TDP1: variants seen among roughly 807,000 people sequenced by gnomAD.
The protein encoded by TDP1 is tyrosyl-DNA phosphodiesterase 1.
A neutral mutation model predicts 81.5 loss-of-function variants in TDP1; 64 were observed. That is an observed-to-expected ratio of 0.79 (90% CI 0.64 to 0.97). The LOEUF (loss-of-function observed/expected upper bound fraction) is 0.97, where lower values mean the gene tolerates loss of function less well. Among genes scored for constraint, TDP1 ranks in the 50% least tolerant of loss-of-function variants. The pLI, the probability that TDP1 is intolerant of heterozygous loss-of-function variation, is 0.00. For missense variants in TDP1, 723 were observed against 743.8 expected (o/e 0.97, Z 0.33); for synonymous variants, 256 against 264.3 (o/e 0.97, Z 0.30).
Position 89,967,396 on chromosome 14 carries a change from C to T in TDP1, c.633C>T (p.Leu211=), listed in dbSNP as rs991871187. The change falls in exon 5 of 17, where the codon CTC becomes CTT. Residue 211 remains leucine, a synonymous_variant. Coordinates refer to ENST00000335725, the MANE Select transcript of TDP1 (RefSeq NM_018319.4). ...ACTACTGCTTTGACGTGGACTGGCT[C>T]GTAAAACAGTATCCACCAGAGTTCA... ...QFNYCFDVDW[L]VKQYPPEFRK... The T allele has an allele frequency of 1.2e-6, 2 of 1,614,004 alleles. No homozygotes were observed. Among genetic ancestry groups the T allele is most frequent in the Non-Finnish European group, 1.7e-6 (2 of 1,179,942 alleles).
chr14:89,993,454 C>T lies in TDP1; in HGVS notation c.1512C>T (p.Phe504=), dbSNP rs1896395298. Residue 504 remains phenylalanine (F), a synonymous_variant, in exon 14 of 17, where the codon TTC becomes TTT. Transcript: ENST00000335725. ...IKTYMRPSPD[F]SKIAWFLVTS... ...CATATATGAGGCCTTCTCCAGACTTCAGTAAAATTGCTTGGTTCCTTGTCA... is the reference window on the plus strand; with the variant it reads ...CATATATGAGGCCTTCTCCAGACTTTAGTAAAATTGCTTGGTTCCTTGTCA... The T allele has an allele frequency of 1.2e-6, 2 of 1,613,710 alleles. No homozygotes were observed. Among genetic ancestry groups the T allele is most frequent in the African/African-American group, 2.7e-5 (2 of 74,920 alleles).
intron 15 of TDP1, chr14:90,023,135 C>CT: frequency 1.4e-6 from 1 of 737,232 alleles, no homozygotes; most frequent in Non-Finnish European, 2.5e-6. Context: ...ATGACAACAA[C>CT]TAGGGTGTGG....
At chr14:89,971,687 C>T (rs148355033) in intron 6 of TDP1, among the ~76,000 whole-genome samples, 45 of 152,214 alleles carry the variant, frequency 3.0e-4, no homozygotes, top group African/African-American at 9.2e-4. Context: ...TGAGTCTTTC[C>T]GCAACCTGCT....
At chr14:89,995,307 CAG>C (rs2140144679) in intron 14 of TDP1, among the ~76,000 whole-genome samples, 1 of 152,290 alleles carries the variant, frequency 6.6e-6, no homozygotes, top group South Asian at 2.1e-4. Flanking sequence ...CCAGGAGGCA[CAG>C]AGTGATTAAT....
chr14:90,001,050 C>T (rs1158176641), intron 14 of TDP1, among the ~76,000 whole-genome samples: 1 of 152,148 alleles, frequency 6.6e-6, no homozygotes, highest in Non-Finnish European at 1.5e-5. Flanking sequence ...AAATGTATTT[C>T]GTATGGTTCC....
At chr14:90,004,772 G>A (rs1426650774) in intron 14 of TDP1, among the ~76,000 whole-genome samples, 2 of 152,140 alleles carry the variant, frequency 1.3e-5, no homozygotes, top group African/African-American at 2.4e-5. Flanking sequence ...TCAGCAGGAT[G>A]GTGACAGGCT....
chr14:90,025,037 A>G (rs1160384073), intron 15 of TDP1, among the ~76,000 whole-genome samples: 1 of 152,224 alleles, frequency 6.6e-6, no homozygotes, highest in African/African-American at 2.4e-5. Context: ...CTGAGGTATC[A>G]GCAGCCAGAG....
At chr14:90,019,483 T>A (rs1173162213) in intron 15 of TDP1, 65 bp downstream of exon 15, 13 of 903,432 alleles carry the variant, frequency 1.4e-5, no homozygotes, top group Non-Finnish European at 2.4e-5. Flanking sequence ...TGTGTTCTCT[T>A]CCTTTAGTCA....
intron 2 of TDP1, among the ~76,000 whole-genome samples, chr14:89,961,486 G>A (rs1158985912): frequency 6.6e-6 from 1 of 152,212 alleles, no homozygotes; most frequent in South Asian, 2.1e-4. Flanking sequence ...AAAGGTAGCA[G>A]TGTGTGATTT....
chr14:89,962,639 G>T (rs1230960865), intron 2 of TDP1, among the ~76,000 whole-genome samples: 1 of 152,022 alleles, frequency 6.6e-6, no homozygotes, highest in Non-Finnish European at 1.5e-5. Flanking sequence ...CAAGGTGGGT[G>T]GATCTCTTGA....
chr14:89,963,367 C>G lies in TDP1; in HGVS notation c.253C>G (p.Leu85Val). The change falls in exon 3 of 17, where the codon CTC becomes GTC. Residue 85 changes from leucine to valine, a missense_variant. Leu to Val is a conservative substitution (Grantham distance 32). Transcript: ENST00000335725. Reference protein sequence around the residue: ...KRQKSGSQEDLGWCLSSSDDE... With the variant: ...KRQKSGSQEDVGWCLSSSDDE... ...GCAGAAAAGCGGTTCCCAGGAGGAC[C>G]TCGGCTGGTGTCTGTCCAGCAGTGA... The G allele has an allele frequency of 6.2e-7, 1 of 1,614,196 alleles. No individual in the cohort carries two copies. Among genetic ancestry groups the G allele is most frequent in the Middle Eastern group, 1.6e-4 (1 of 6,062 alleles).
chr14:89,988,996 A>G lies in TDP1; in HGVS notation c.1223A>G (p.Glu408Gly). The G allele has an allele frequency of 6.2e-7, 1 of 1,614,176 alleles. No homozygotes were observed. Among genetic ancestry groups the G allele is most frequent in the East Asian group, 2.2e-5 (1 of 44,884 alleles). Residue 408 changes from glutamate (E) to glycine (G), a missense_variant, in exon 11 of 17, where the codon GAA (glutamate) becomes GGA (glycine). By Grantham distance (98) the Glu-to-Gly change is moderately conservative. Transcript: ENST00000335725. ...FSSVGSLGAD[E>G]SKWLCSEFKE... is the part of the protein sequence containing the mutation. Reference sequence around the variant, plus strand: ...AGCGTTGGCTCCTTGGGAGCCGATGAATCAAAGTGGTTATGTTCTGAGTTT... The same window carrying G: ...AGCGTTGGCTCCTTGGGAGCCGATGGATCAAAGTGGTTATGTTCTGAGTTT...
Position 89,967,379 on chromosome 14 carries a change from T to A in TDP1, c.616T>A (p.Phe206Ile). 1 of 1,614,118 alleles carries A rather than the reference T, an allele frequency of 6.2e-7. No homozygotes were observed. The highest frequency in any genetic ancestry group is 8.5e-7 in the Non-Finnish European group (1 of 1,179,950). ...TTCTCCCATCTAGTTTAACTACTGC[T>A]TTGACGTGGACTGGCTCGTAAAACA... ...LVSSAQFNYCFDVDWLVKQYP... is the reference protein window; with the variant it reads ...LVSSAQFNYCIDVDWLVKQYP... Residue 206 changes from phenylalanine to isoleucine, a missense_variant, in exon 5 of 17, where the codon TTT (phenylalanine) becomes ATT (isoleucine). By Grantham distance (21) the Phe-to-Ile change is conservative (BLOSUM62 0). Coordinates refer to ENST00000335725, the MANE Select transcript of TDP1 (RefSeq NM_018319.4).
At chr14:89,978,650 CTA>C (rs1487621257) in intron 7 of TDP1, among the ~76,000 whole-genome samples, 2 of 152,222 alleles carry the variant, frequency 1.3e-5, no homozygotes, top group African/African-American at 4.8e-5. Context: ...GTTCATAATT[CTA>C]TTTGATAGCA....
chr14:90,002,412 T>G (rs1015810040), intron 14 of TDP1, among the ~76,000 whole-genome samples: 1 of 152,244 alleles, frequency 6.6e-6, no homozygotes, highest in Non-Finnish European at 1.5e-5. Context: ...ATAGAAAACA[T>G]GCGGTTGTTT....
intron 9 of TDP1, 69 bp from the exon 10 acceptor site, chr14:89,985,061 ATT>A: frequency 7.3e-7 from 1 of 1,379,120 alleles, no homozygotes; most frequent in South Asian, 1.3e-5. Context: ...TTTCATGTGT[ATT>A]TTGTCATTTT....
At chr14:90,027,820 A>T (rs1886840402) in intron 15 of TDP1, among the ~76,000 whole-genome samples, 1 of 152,208 alleles carries the variant, frequency 6.6e-6, no homozygotes, top group African/African-American at 2.4e-5. Context: ...TGAGATCAAG[A>T]GTTATAACCC....
At chr14:90,018,087 T>TA (rs898973937) in intron 14 of TDP1, among the ~76,000 whole-genome samples, 8 of 146,840 alleles carry the variant, frequency 5.4e-5, no homozygotes, top group African/African-American at 1.3e-4. Flanking sequence ...TTTTTTTTTT[T>TA]ATCTTACTTG....
At chr14:89,961,900 C>A (rs1892371764) in intron 2 of TDP1, among the ~76,000 whole-genome samples, 2 of 152,176 alleles carry the variant, frequency 1.3e-5, no homozygotes, top group Non-Finnish European at 2.9e-5. Context: ...TTGATCTGAG[C>A]ACAGACTACT....
Sources: gnomAD v4.1 joint callset for allele counts (sites outside exome capture counted in the v4.1 genomes callset) on GRCh38, gnomAD v4.1.1 for gene constraint, MANE v1.5 for transcripts, NCBI Gene and HGNC (gene_info 2026-07-23, HGNC 2026-07-21) for gene names.